Variants in FBXL4 observed in about 807,000 individuals in gnomAD.
The protein encoded by FBXL4 is F-box and leucine rich repeat protein 4, also known as F-box/LRR-repeat protein 4.
In FBXL4, 40 loss-of-function variants were observed where a neutral mutation model predicts 58.9. That is an observed-to-expected ratio of 0.68 (90% CI 0.53 to 0.88). The LOEUF is 0.88. Ranked by LOEUF, FBXL4 falls within the 40% of genes least tolerant of loss-of-function variation. The probability of loss-of-function intolerance (pLI) is 0.00; values close to 1 mark genes in which losing one functional copy is unlikely to be tolerated. For synonymous variants in FBXL4, 263 were observed against 265.5 expected, an observed-to-expected ratio of 0.99 and a Z score of 0.09; for missense variants, 676 against 734.4, an observed-to-expected ratio of 0.92 and a Z score of 0.92.
intron 1 of FBXL4, among the ~76,000 whole-genome samples, chr6:98,943,579 CAAAAAAAA>C (rs59697294): frequency 2.0e-4 from 15 of 76,698 alleles, no homozygotes; most frequent in Non-Finnish European, 2.8e-4. Flanking sequence ...GACTCTGTCT[CAAAAAAAA>C]AAAAAAAAAA....
chr6:98,897,306 T>A (rs1397331103), intron 7 of FBXL4: 1 of 985,156 alleles, frequency 1.0e-6, no homozygotes, highest in South Asian at 4.7e-5. Context: ...AGCAATTTTA[T>A]ACCCACACAA....
At chr6:98,913,767 A>G (rs1237884430) in intron 5 of FBXL4, among the ~76,000 whole-genome samples, 1 of 152,220 alleles carries the variant, frequency 6.6e-6, no homozygotes, top group African/African-American at 2.4e-5. Flanking sequence ...TAGAAAAGCA[A>G]GAGCAAACAC....
intron 7 of FBXL4, chr6:98,898,219 C>G: frequency 4.4e-6 from 4 of 908,062 alleles, no homozygotes; most frequent in Non-Finnish European, 5.3e-6. Flanking sequence ...GGCAAAAAAA[C>G]AAAAGCCCTG....
At chr6:98,929,461 C>T (rs1160191036) in intron 2 of FBXL4, among the ~76,000 whole-genome samples, 1 of 151,608 alleles carries the variant, frequency 6.6e-6, no homozygotes, top group Non-Finnish European at 1.5e-5. Context: ...ATCCCAGCTA[C>T]TCGGGAGAGT....
At chr6:98,916,660 G>T (rs1446205397) in intron 5 of FBXL4, among the ~76,000 whole-genome samples, 1 of 151,652 alleles carries the variant, frequency 6.6e-6, no homozygotes, top group Non-Finnish European at 1.5e-5. Context: ...ACGCTCTGGG[G>T]ACTGTTGTGG....
At chr6:98,915,789 G>C (rs1229646035) in intron 5 of FBXL4, among the ~76,000 whole-genome samples, 1 of 151,980 alleles carries the variant, frequency 6.6e-6, no homozygotes, top group African/African-American at 2.4e-5. Context: ...AACACCAAAA[G>C]CAATGGCAAC....
rs1318432054 is a variant in FBXL4, at chr6:98,871,891, A to T, written c.*2387T>A. 6.6e-6 allele frequency: 1 copy of T among 152,220 alleles called. No homozygotes were observed. Among genetic ancestry groups the T allele is most frequent in the Non-Finnish European group, 1.5e-5 (1 of 68,034 alleles). 9.4% of individuals were successfully genotyped at this position (152,220 alleles called of 1,614,324 possible). ...TATTGACATTTTTCTGAAAAAGAAG[A>T]CATGTCCTCAATCACTATTATGGAA... is the stretch of plus-strand genomic sequence containing the variant. On this transcript the variant is annotated 3_prime_UTR_variant, in exon 10 of 10. Transcript: ENST00000369244.
At chr6:98,886,247 T>C (rs1462317796) in intron 7 of FBXL4, among the ~76,000 whole-genome samples, 1 of 152,114 alleles carries the variant, frequency 6.6e-6, no homozygotes, top group African/African-American at 2.4e-5. Context: ...CAATATATAT[T>C]TATTAAATGA....
At chr6:98,912,993 A>C (rs1184675326) in intron 5 of FBXL4, among the ~76,000 whole-genome samples, 1 of 151,906 alleles carries the variant, frequency 6.6e-6, no homozygotes, top group African/African-American at 2.4e-5. Context: ...TCTACCAAGC[A>C]AATGGAAAAC....
At chr6:98,902,456 T>C (rs1194265971) in intron 6 of FBXL4, among the ~76,000 whole-genome samples, 1 of 152,110 alleles carries the variant, frequency 6.6e-6, no homozygotes. Flanking sequence ...CACAACTGTA[T>C]AAAATATAGG....
At chr6:98,915,645 C>G (rs1230801380) in intron 5 of FBXL4, among the ~76,000 whole-genome samples, 1 of 152,108 alleles carries the variant, frequency 6.6e-6, no homozygotes, top group Non-Finnish European at 1.5e-5. Context: ...GGATCCCTTC[C>G]TTACACCTTA....
At chr6:98,926,288 A>C (rs1772776116) in intron 4 of FBXL4, among the ~76,000 whole-genome samples, 189 bp downstream of exon 4, 1 of 152,206 alleles carries the variant, frequency 6.6e-6, no homozygotes, top group South Asian at 2.1e-4. Context: ...ATGAGGTATT[A>C]CAGGTATAAA....
In FBXL4 at chr6:98,870,691, AT is replaced by A. The variant is rs943905036; in HGVS notation, c.*3586del. On this transcript the variant is annotated 3_prime_UTR_variant, in exon 10 of 10. Transcript: ENST00000369244. ...AAAAGAAAAGTAGACTTGAAGTGAC[AT>A]TTTTAAGGCACATTAGTATATGAAT... is the stretch of plus-strand genomic sequence containing the variant. The A allele has an allele frequency of 2.0e-5, 3 of 152,256 alleles. No individual in the cohort carries two copies. Among genetic ancestry groups the A allele is most frequent in the African/African-American group, 7.2e-5 (3 of 41,466 alleles). 9.4% of individuals were successfully genotyped at this position (152,256 alleles called of 1,614,324 possible).
intron 1 of FBXL4, among the ~76,000 whole-genome samples, chr6:98,941,958 C>G (rs1479939374): frequency 1.3e-5 from 2 of 150,954 alleles, no homozygotes; most frequent in Non-Finnish European, 2.9e-5. Flanking sequence ...GAGGTGGTGA[C>G]TGAAATAAAT....
At chr6:98,925,823 G>GA (rs1772755281) in intron 4 of FBXL4, among the ~76,000 whole-genome samples, 1 of 152,170 alleles carries the variant, frequency 6.6e-6, no homozygotes, top group East Asian at 1.9e-4. Flanking sequence ...AAAATGAGCT[G>GA]ATAAAAGTGG....
chr6:98,894,045 T>C (rs1385987753), intron 7 of FBXL4, among the ~76,000 whole-genome samples: 1 of 152,122 alleles, frequency 6.6e-6, no homozygotes, highest in Non-Finnish European at 1.5e-5. Context: ...TTTTAAATTT[T>C]CTGTAGAGAT....
chr6:98,884,642 C>T (rs1770970908), intron 7 of FBXL4, among the ~76,000 whole-genome samples: 1 of 152,106 alleles, frequency 6.6e-6, no homozygotes, highest in South Asian at 2.1e-4. Context: ...TTTTGATCTC[C>T]TGCAATTACA....
At chr6:98,909,457 C>G (rs1445764366) in intron 5 of FBXL4, among the ~76,000 whole-genome samples, 4 of 152,186 alleles carry the variant, frequency 2.6e-5, no homozygotes, top group Admixed American at 2.6e-4. Flanking sequence ...CACACAGTTT[C>G]ACTTCTCATC....
Position 98,899,359 on chromosome 6 carries a change from G to T in FBXL4, c.1226C>A (p.Ser409Tyr), listed in dbSNP as rs745441524. 6.2e-7 allele frequency: 1 copy of T among 1,613,968 alleles called. No individual in the cohort carries two copies. Among genetic ancestry groups the T allele is most frequent in the South Asian group, 1.1e-5 (1 of 91,082 alleles). Residue 409 changes from serine to tyrosine, a missense_variant, in exon 7 of 10, where the codon TCC (serine) becomes TAC (tyrosine). By Grantham distance (144) the Ser-to-Tyr change is moderately radical. Coordinates refer to ENST00000369244, the MANE Select transcript of FBXL4 (RefSeq NM_001278716.2). ...TTGAGGTGGTAGCTTATCACAGGAG[G>T]AGAGATTTAAGGCCTGTAGATTTGG... is the stretch of plus-strand genomic sequence containing the variant. The part of the protein sequence containing the change: ...MCPNLQALNL[S>Y]SCDKLPPQAF...
Sources: gnomAD v4.1 joint callset for allele counts (sites outside exome capture counted in the v4.1 genomes callset) on GRCh38, gnomAD v4.1.1 for gene constraint, MANE v1.5 for transcripts, NCBI Gene and HGNC (gene_info 2026-07-23, HGNC 2026-07-21) for gene names.